The following TRABD2B variants were observed in gnomAD, a reference collection of about 807,000 sequenced individuals.
TRABD2B encodes metalloprotease TIKI2.
Under a neutral mutation model 40.1 loss-of-function variants are expected in TRABD2B, and 14 were observed. The observed-to-expected ratio is 0.35, with a 90% CI of 0.23 to 0.55. The LOEUF (loss-of-function observed/expected upper bound fraction) is 0.55, where lower values mean the gene tolerates loss of function less well. Ranked by LOEUF, TRABD2B falls within the 20% of genes least tolerant of loss-of-function variation. The pLI is 0.90. For missense variants in TRABD2B, 541 were observed against 648.6 expected, an observed-to-expected ratio of 0.83 and a Z score of 1.80; for synonymous variants, 263 against 277.0, an observed-to-expected ratio of 0.95 and a Z score of 0.50.
chr1:47,971,655 A>G (rs1645684192), intron 2 of TRABD2B, among the ~76,000 whole-genome samples: 1 of 152,110 alleles, frequency 6.6e-6, no homozygotes, highest in Non-Finnish European at 1.5e-5. Context: ...CACAATAGGT[A>G]CTCAATATAT....
intron 2 of TRABD2B, among the ~76,000 whole-genome samples, chr1:47,877,332 G>C (rs1317627419): frequency 6.6e-6 from 1 of 152,094 alleles, no homozygotes; most frequent in Non-Finnish European, 1.5e-5. Context: ...CAGAGGGAAG[G>C]GAGAGAGTGG....
At chr1:47,966,095 A>G (rs1645598545) in intron 2 of TRABD2B, among the ~76,000 whole-genome samples, 1 of 152,176 alleles carries the variant, frequency 6.6e-6, no homozygotes, top group Non-Finnish European at 1.5e-5. Context: ...GAAGGTCAGC[A>G]CGGGGTCTGA....
intron 2 of TRABD2B, among the ~76,000 whole-genome samples, chr1:47,826,375 A>G (rs1192419804): frequency 6.6e-6 from 1 of 152,188 alleles, no homozygotes; most frequent in Non-Finnish European, 1.5e-5. Flanking sequence ...CAACATCATT[A>G]TATCATATAT....
intron 4 of TRABD2B, among the ~76,000 whole-genome samples, chr1:47,784,119 C>T (rs1291951781): frequency 2.0e-5 from 3 of 152,132 alleles, no homozygotes; most frequent in African/African-American, 2.4e-5. Flanking sequence ...TGAGGTGTTG[C>T]CAGTTTCCAG....
rs559130978 is a variant in TRABD2B at position 47,777,004 on chromosome 1, A to G, written c.1079+1450T>C. 4.6e-5 allele frequency among the ~76,000 whole-genome samples: 7 copies of G among 152,202 alleles called. No homozygotes were observed. The South Asian group carries it at 1.5e-3, about 32-fold the overall frequency. On this transcript the variant is annotated intron_variant, in intron 5 of 6. Coordinates refer to ENST00000606738, the MANE Select transcript of TRABD2B (RefSeq NM_001194986.2). ...CATTCCCGCCCCCCTCCGCCCTGCC[A>G]ACTCCCTTGCTCCCCCGTGCAGGAG...
chr1:47,835,553 C>T (rs1406093153), intron 2 of TRABD2B, among the ~76,000 whole-genome samples: 2 of 152,196 alleles, frequency 1.3e-5, no homozygotes, highest in East Asian at 1.9e-4. Context: ...AACCATCATA[C>T]AGCTCAGTAA....
intron 2 of TRABD2B, among the ~76,000 whole-genome samples, chr1:47,844,313 G>A (rs747435277): frequency 6.6e-6 from 1 of 152,216 alleles, no homozygotes; most frequent in African/African-American, 2.4e-5. Context: ...GTTGGGGAGG[G>A]AGGGTGGCTC....
chr1:47,810,153 T>TGTGTGC (rs386353946), intron 2 of TRABD2B, among the ~76,000 whole-genome samples: 45 of 151,184 alleles, frequency 3.0e-4, no homozygotes, highest in South Asian at 2.9e-3. Flanking sequence ...TGTGTGTGTG[T>TGTGTGC]GCGCGCGCGC....
intron 2 of TRABD2B, among the ~76,000 whole-genome samples, chr1:47,820,951 C>T (rs1344586888): frequency 6.6e-6 from 1 of 152,204 alleles, no homozygotes; most frequent in East Asian, 1.9e-4. Context: ...AAGTTCTGAC[C>T]TCAAAGAGTT....
At chr1:47,811,561 G>A (rs1204233273) in intron 2 of TRABD2B, among the ~76,000 whole-genome samples, 1 of 152,160 alleles carries the variant, frequency 6.6e-6, no homozygotes, top group Non-Finnish European at 1.5e-5. Flanking sequence ...TCATAAATCC[G>A]GAGCCACCCA....
intron 2 of TRABD2B, among the ~76,000 whole-genome samples, chr1:47,803,687 T>C (rs1045048622): frequency 2.6e-5 from 4 of 152,268 alleles, no homozygotes; most frequent in Admixed American, 1.3e-4. Flanking sequence ...GCTGTTTAGC[T>C]ACCAGCCTCC....
At chr1:47,993,966 A>C (rs2148465512) in intron 2 of TRABD2B, 68 bp downstream of exon 2, 1 of 1,425,332 alleles carries the variant, frequency 7.0e-7, no homozygotes, top group Admixed American at 2.5e-5. Context: ...CGGAGAAGAA[A>C]GACAATCAGA....
intron 6 of TRABD2B, among the ~76,000 whole-genome samples, chr1:47,766,443 T>C (rs1037315378): frequency 2.9e-4 from 44 of 152,058 alleles, no homozygotes; most frequent in African/African-American, 1.0e-3. Flanking sequence ...TGGGGTACCA[T>C]GGGGTGGTCA....
chr1:47,778,317 C>G, intron 5 of TRABD2B, 137 bp downstream of exon 5: 1 of 674,908 alleles, frequency 1.5e-6, no homozygotes. Flanking sequence ...TCTCCTGCCT[C>G]CAGCCCAGCC....
Position 47,765,640 on chromosome 1 carries a change from A to T in TRABD2B, c.*262T>A. On this transcript the variant is annotated 3_prime_UTR_variant, in exon 7 of 7. Transcript: ENST00000606738. ...ACACAGGCCACATAAGAATAGTTTT[A>T]TCGGTAGAATAAATACATTTTTCTT... The T allele has an allele frequency of 1.8e-6, 1 of 555,292 alleles. No homozygotes were observed. Among genetic ancestry groups the T allele is most frequent in the Non-Finnish European group, 3.2e-6 (1 of 309,962 alleles). 34.4% of individuals were successfully genotyped at this position (555,292 alleles called of 1,614,324 possible).
At chr1:47,791,932 C>T (rs998859765) in intron 4 of TRABD2B, among the ~76,000 whole-genome samples, 1 of 152,156 alleles carries the variant, frequency 6.6e-6, no homozygotes, top group Non-Finnish European at 1.5e-5. Flanking sequence ...TTTCTGGGGG[C>T]TTTGCTCATG....
intron 2 of TRABD2B, among the ~76,000 whole-genome samples, chr1:47,923,758 G>A (rs1002701212): frequency 1.8e-4 from 27 of 152,134 alleles, no homozygotes; most frequent in African/African-American, 5.8e-4. Flanking sequence ...CCTCCCTCAA[G>A]GGAGAGGGAA....
chr1:47,906,965 C>T (rs561327255), intron 2 of TRABD2B, among the ~76,000 whole-genome samples: 2 of 152,334 alleles, frequency 1.3e-5, no homozygotes, highest in East Asian at 3.9e-4. Context: ...TCAGCCCCTT[C>T]CCCGGACAGT....
chr1:47,994,196 G>C lies in TRABD2B; in HGVS notation c.504C>G (p.Leu168=). The change falls in exon 2 of 7, where the codon CTC becomes CTG. Residue 168 remains leucine (L), a synonymous_variant. Transcript: ENST00000606738. This position sits in a 1 kb window ranked among gnomAD's most constrained non-coding sequence, Gnocchi z 6.7. ...CCCTCTCTGTGAGCGAGTTTACCAT[G>C]AGCATCACCCAGACGGGCCTCTTGC... ...WERKRPVWVM[L]MVNSLTERDV... 1 of 1,544,030 alleles carries C rather than the reference G, an allele frequency of 6.5e-7. No homozygotes were observed. Among genetic ancestry groups the C allele is most frequent in the Non-Finnish European group, 8.7e-7 (1 of 1,150,622 alleles).
Sources: allele counts gnomAD v4.1 joint callset (sites outside exome capture counted in the v4.1 genomes callset), GRCh38; gene constraint gnomAD v4.1.1; non-coding constraint Gnocchi (gnomAD v3.1); transcripts MANE v1.5; gene names NCBI Gene and HGNC (gene_info 2026-07-23, HGNC 2026-07-21).